PCDHGA10: variants seen among roughly 807,000 people sequenced by gnomAD.
PCDHGA10 encodes protocadherin gamma-A10.
In PCDHGA10, 42 loss-of-function variants were observed where a neutral mutation model predicts 59.5. The observed-to-expected ratio is 0.71, with a 90% CI of 0.55 to 0.91. The LOEUF (loss-of-function observed/expected upper bound fraction) is 0.91. Among genes scored for constraint, PCDHGA10 ranks in the 40% least tolerant of loss-of-function variants. The probability of loss-of-function intolerance (pLI) is 0.00; values close to 1 mark genes in which losing one functional copy is unlikely to be tolerated. For synonymous variants in PCDHGA10, 511 were observed against 517.2 expected, an observed-to-expected ratio of 0.99 and a Z score of 0.16; for missense variants, 1,111 against 1,198.2, an observed-to-expected ratio of 0.93 and a Z score of 1.07.
chr5:141,472,557 A>G (rs2099288029), intron 1 of PCDHGA10, among the ~76,000 whole-genome samples: 3 of 152,044 alleles, frequency 2.0e-5, no homozygotes, highest in Admixed American at 1.3e-4. Flanking sequence ...AAAAAATTAT[A>G]TTATAAATGC....
In PCDHGA10 at chr5:141,417,713, C is replaced by T. The variant is rs905298887; in HGVS notation, c.2436+2102C>T. 1.3e-4 allele frequency: 160 copies of T among 1,271,624 alleles called. No homozygotes were observed. In the Admixed American group the frequency reaches 4.6e-3, roughly 37 times the overall value. The allele number at this position is 1,271,624 out of a possible 1,614,324, so 78.8% of individuals were successfully genotyped here. On this transcript the variant is annotated intron_variant, in intron 1 of 3. Transcript: ENST00000398610. ...AAACCAGCTCCCACACAGAGGCTCC[C>T]GGCTGCGCAGACCTTGCCCAGCACA... is the stretch of plus-strand genomic sequence containing the variant.
rs1368451336 is a variant in PCDHGA10 at position 141,505,377 on chromosome 5, C to T, written c.2496-16C>T. ...CGGCCTGGGAGTCTGTGCTCACCAT[C>T]CTACTCTCTCCCCAGCTCCCAAAAT... On this transcript the variant is annotated splice_polypyrimidine_tract_variant and intron_variant, in intron 2 of 3. Transcript: ENST00000398610. The T allele has an allele frequency of 6.2e-7, 1 of 1,614,036 alleles. No individual in the cohort carries two copies. Among genetic ancestry groups the T allele is most frequent in the Non-Finnish European group, 8.5e-7 (1 of 1,179,954 alleles).
At chr5:141,470,383 G>A (rs569789033) in intron 1 of PCDHGA10, among the ~76,000 whole-genome samples, 7 of 152,246 alleles carry the variant, frequency 4.6e-5, no homozygotes, top group South Asian at 2.1e-4. Context: ...AAGACTACTC[G>A]ATGATATTTA....
At chr5:141,415,740 GTT>G (rs57426385) in intron 1 of PCDHGA10, 129 bp downstream of exon 1, 13,277 of 614,848 alleles carry the variant, frequency 0.022, 3 homozygotes, top group South Asian at 0.023. Context: ...GTTTATTAAG[GTT>G]TTTTTTTTTT....
At chr5:141,453,083 A>G (rs1404530649) in intron 1 of PCDHGA10, among the ~76,000 whole-genome samples, 1 of 152,044 alleles carries the variant, frequency 6.6e-6, no homozygotes, top group African/African-American at 2.4e-5. Flanking sequence ...CTGGTTGATT[A>G]GTATATTTTC....
chr5:141,509,067 C>T (rs987332283), intron 3 of PCDHGA10, among the ~76,000 whole-genome samples: 1 of 152,132 alleles, frequency 6.6e-6, no homozygotes, highest in African/African-American at 2.4e-5. Flanking sequence ...CTCTCAGCTC[C>T]GGGGATTTGC....
intron 1 of PCDHGA10, among the ~76,000 whole-genome samples, chr5:141,443,156 A>G (rs1059029): frequency 0.29 from 44,047 of 151,812 alleles, 7,376 homozygotes; most frequent in African/African-American, 0.47. Flanking sequence ...ACTGCATTTT[A>G]TTTCCCTACC....
In PCDHGA10 at chr5:141,476,327, G is replaced by A. The variant is rs2099389169; in HGVS notation, c.2437-18480G>A. The A allele has an allele frequency of 1.2e-6, 2 of 1,614,192 alleles. No individual in the cohort carries two copies. Among genetic ancestry groups the A allele is most frequent in the African/African-American group, 1.3e-5 (1 of 75,046 alleles). On this transcript the variant is annotated intron_variant, in intron 1 of 3. Transcript: ENST00000398610. The surrounding 1 kb of genome is among the most constrained non-coding windows in gnomAD (Gnocchi z 7.6). ...AGCCCGCAGGTTCCGGGTGGTGTCT[G>A]GAGCTAGCCGAAGATTCTTTGAGGT...
At position 141,485,662 on chromosome 5, in the gene PCDHGA10, G is replaced by T. The variant is rs778404230; in HGVS notation, c.2437-9145G>T. ...AAAAGGCTCAGGATGCAGATGTGGG[G>T]AGCAATTCGATTAGCAGCTATAGGC... On this transcript the variant is annotated intron_variant, in intron 1 of 3. Coordinates refer to ENST00000398610, the MANE Select transcript of PCDHGA10 (RefSeq NM_018913.3). This position sits in a 1 kb window ranked among gnomAD's most constrained non-coding sequence, Gnocchi z 5.7. The T allele has an allele frequency of 1.1e-5, 18 of 1,612,748 alleles. No individual in the cohort carries two copies. The South Asian group carries it at 1.9e-4, about 17-fold the overall frequency.
chr5:141,468,790 C>T (rs1215557602), intron 1 of PCDHGA10, among the ~76,000 whole-genome samples: 10 of 151,564 alleles, frequency 6.6e-5, no homozygotes, highest in African/African-American at 2.2e-4. Context: ...GGCGTGAACC[C>T]GGGAGGCGGA....
In PCDHGA10 at chr5:141,512,088, A is replaced by G. The variant is rs192947391; in HGVS notation, c.*915A>G. 2.6e-5 allele frequency: 4 copies of G among 152,772 alleles called. No individual in the cohort carries two copies. Among genetic ancestry groups the G allele is most frequent in the Admixed American group, 6.5e-5 (1 of 15,306 alleles). 9.5% of individuals were successfully genotyped at this position (152,772 alleles called of 1,614,324 possible). On this transcript the variant is annotated 3_prime_UTR_variant, in exon 4 of 4. Transcript: ENST00000398610. ...TCCTCCAGATTCCAGCCATAAACCAATAACTAGGCTGGACCCTTCCCACTA... is the reference window on the plus strand; with the variant it reads ...TCCTCCAGATTCCAGCCATAAACCAGTAACTAGGCTGGACCCTTCCCACTA...
intron 1 of PCDHGA10, chr5:141,420,092 G>A: frequency 1.2e-6 from 2 of 1,614,020 alleles, no homozygotes; most frequent in Non-Finnish European, 1.7e-6. Flanking sequence ...CAACTACAGT[G>A]AGGGAACGTT....
chr5:141,454,893 C>T (rs1414320972), intron 1 of PCDHGA10, among the ~76,000 whole-genome samples: 7 of 146,892 alleles, frequency 4.8e-5, no homozygotes, highest in Admixed American at 1.4e-4. Flanking sequence ...CTGCTAGCAC[C>T]GCCTCCCGGG....
At chr5:141,473,169 C>T (rs141382764) in intron 1 of PCDHGA10, among the ~76,000 whole-genome samples, 2 of 152,286 alleles carry the variant, frequency 1.3e-5, no homozygotes, top group East Asian at 3.9e-4. Context: ...GGAAGGCCCA[C>T]TGGTAACTTG....
chr5:141,431,189 G>A lies in PCDHGA10; in HGVS notation c.2436+15578G>A. 2 of 1,614,208 alleles carry A rather than the reference G, an allele frequency of 1.2e-6. No homozygotes were observed. The highest frequency in any genetic ancestry group is 1.7e-6 in the Non-Finnish European group (2 of 1,180,036). On this transcript the variant is annotated intron_variant, in intron 1 of 3. Transcript: ENST00000398610. This position sits in a 1 kb window ranked among gnomAD's most constrained non-coding sequence, Gnocchi z 4.8. ...AAGTGAATTAGAAATAAAAATTAGT[G>A]AAAATGCAGCCACTGAGATGCGGTT...
rs2095621152 is a variant in PCDHGA10, at chr5:141,413,262, G to A, written c.87G>A (p.Glu29=). The A allele has an allele frequency of 1.2e-6, 2 of 1,613,960 alleles. No individual in the cohort carries two copies. Among genetic ancestry groups the A allele is most frequent in the South Asian group, 1.1e-5 (1 of 91,084 alleles). The change falls in exon 1 of 4, where the codon GAG becomes GAA. Residue 29 remains glutamate (E), a synonymous_variant. Transcript: ENST00000398610. ...LLCLFFGIPW[E]AGARQISYSI... ...GCCTTTTCTTCGGGATTCCATGGGA[G>A]GCTGGAGCCCGGCAGATCTCCTACT...
chr5:141,432,481 C>G lies in PCDHGA10; in HGVS notation c.2436+16870C>G. 6.2e-7 allele frequency: 1 copy of G among 1,614,198 alleles called. No homozygotes were observed. On this transcript the variant is annotated intron_variant, in intron 1 of 3. Coordinates refer to ENST00000398610, the MANE Select transcript of PCDHGA10 (RefSeq NM_018913.3). This position sits in a 1 kb window ranked among gnomAD's most constrained non-coding sequence, Gnocchi z 6.0. ...CCCTCCCCACGGACGGTTCCACTGG[C>G]GTGGAGCTGGCTCCCCGCTCCGCAG...
chr5:141,453,546 C>T lies in PCDHGA10; in HGVS notation c.2436+37935C>T, dbSNP rs116481133. Among the ~76,000 whole-genome samples, 695 of 152,296 alleles carry T rather than the reference C, an allele frequency of 4.6e-3. 4 individuals are homozygous for T. Among genetic ancestry groups the T allele is most frequent in the African/African-American group, 0.015 (634 of 41,558 alleles). On this transcript the variant is annotated intron_variant, in intron 1 of 3. Transcript: ENST00000398610. ...TACCTTCTGCCTCATTCACACCACA[C>T]TCTGTAGATAATCGATTTCATTAGT...
In PCDHGA10 at chr5:141,489,928, G is replaced by A. The variant is rs752861962; in HGVS notation, c.2437-4879G>A. ...CCGCTCAGGGACCACCCTTATCTCT[G>A]TCATCGTGCTGGACATCAATGATAA... On this transcript the variant is annotated intron_variant, in intron 1 of 3. Transcript: ENST00000398610. The surrounding 1 kb of genome is among the most constrained non-coding windows in gnomAD (Gnocchi z 4.5). 2 of 1,614,206 alleles carry A rather than the reference G, an allele frequency of 1.2e-6. No homozygotes were observed. Among genetic ancestry groups the A allele is most frequent in the Non-Finnish European group, 1.7e-6 (2 of 1,180,038 alleles).
Sources: allele counts gnomAD v4.1 joint callset (sites outside exome capture counted in the v4.1 genomes callset), GRCh38; gene constraint gnomAD v4.1.1; non-coding constraint Gnocchi (gnomAD v3.1); transcripts MANE v1.5; gene names NCBI Gene and HGNC (gene_info 2026-07-23, HGNC 2026-07-21).